GRB2: variants seen among roughly 807,000 people sequenced by gnomAD.
GRB2 encodes the protein growth factor receptor-bound protein 2.
Under a neutral mutation model 27.4 loss-of-function variants are expected in GRB2, and 2 were observed. That is an observed-to-expected ratio of 0.07 (90% confidence interval 0.03 to 0.23). The LOEUF is 0.23. Ranked by LOEUF, GRB2 falls within the 10% of genes least tolerant of loss-of-function variation. GRB2 has a pLI of 1.00. For synonymous variants in GRB2, 94 were observed against 99.6 expected (o/e 0.94, Z 0.33); for missense variants, 102 against 282.4 (o/e 0.36, Z 4.58).
At chr17:75,390,591 T>C (rs1228583803) in intron 2 of GRB2, among the ~76,000 whole-genome samples, 4 of 152,222 alleles carry the variant, frequency 2.6e-5, no homozygotes, top group Admixed American at 6.5e-5. Flanking sequence ...AAGGCAGACA[T>C]ATTGAACCAT....
chr17:75,376,994 G>C (rs1182269805), intron 2 of GRB2, among the ~76,000 whole-genome samples: 2 of 151,784 alleles, frequency 1.3e-5, no homozygotes, highest in African/African-American at 4.8e-5. Context: ...CTGGGTAAGA[G>C]AGCCAGACCC....
Position 75,389,484 on chromosome 17 carries a change from G to C in GRB2, c.78+4067C>G, listed in dbSNP as rs372935608. Among the ~76,000 whole-genome samples, 3 of 152,316 alleles carry C rather than the reference G, an allele frequency of 2.0e-5. No individual in the cohort carries two copies. In the East Asian group the frequency reaches 5.8e-4, roughly 29 times the overall value. The stretch of plus-strand genomic sequence containing the variant: ...CAAGAATGATAGTTGTGTGATCTTG[G>C]ATAGATCATTTAACCTATATGGGCC... On this transcript the variant is annotated intron_variant, in intron 2 of 5. Transcript: ENST00000316804.
intron 2 of GRB2, among the ~76,000 whole-genome samples, chr17:75,354,356 A>G (rs977752906): frequency 6.0e-5 from 9 of 148,902 alleles, no homozygotes; most frequent in Non-Finnish European, 1.3e-4. Flanking sequence ...TCCACTTCCC[A>G]TGTTCAAGCG....
intron 2 of GRB2, among the ~76,000 whole-genome samples, chr17:75,369,690 C>CAAAA (rs35811117): frequency 2.5e-5 from 3 of 120,634 alleles, no homozygotes; most frequent in South Asian, 5.6e-4. Flanking sequence ...CCGTCTCCAC[C>CAAAA]AAAAAAAAAA....
At chr17:75,321,378 T>C (rs887195716) in intron 5 of GRB2, among the ~76,000 whole-genome samples, 3 of 152,150 alleles carry the variant, frequency 2.0e-5, no homozygotes, top group East Asian at 1.9e-4. Context: ...GGTTTCACCA[T>C]GTTGGCCAGG....
chr17:75,323,459 T>C (rs569972429), intron 4 of GRB2, among the ~76,000 whole-genome samples: 147 of 152,294 alleles, frequency 9.7e-4, no homozygotes, highest in Non-Finnish European at 1.5e-3. Flanking sequence ...GAGCAGTGTT[T>C]CAAATCACAG....
intron 2 of GRB2, among the ~76,000 whole-genome samples, chr17:75,333,897 T>G (rs1449278122): frequency 6.6e-6 from 1 of 152,228 alleles, no homozygotes; most frequent in Non-Finnish European, 1.5e-5. Flanking sequence ...TACGAGGTAG[T>G]GACCCCACAG....
At chr17:75,393,797 G>C in intron 1 of GRB2, 32 bp from the exon 2 acceptor site, 1 of 598,038 alleles carries the variant, frequency 1.7e-6, no homozygotes, top group Non-Finnish European at 3.0e-6. Context: ...TAAGAGCAGT[G>C]GCCAGGATTG....
intron 2 of GRB2, among the ~76,000 whole-genome samples, chr17:75,347,383 C>G: frequency 6.6e-6 from 1 of 152,276 alleles, no homozygotes; most frequent in African/African-American, 2.4e-5. Context: ...TCTACCTACC[C>G]TTTCCGAATT....
At chr17:75,362,365 AGAGTT>A (rs2078788620) in intron 2 of GRB2, among the ~76,000 whole-genome samples, 2 of 152,218 alleles carry the variant, frequency 1.3e-5, no homozygotes, top group Non-Finnish European at 2.9e-5. Context: ...TTATGCATGA[AGAGTT>A]GAGTTTTGTT....
chr17:75,373,260 T>C (rs1446065731), intron 2 of GRB2: 1 of 152,150 alleles, frequency 6.6e-6, no homozygotes, highest in Non-Finnish European at 1.5e-5. Context: ...AAAGAAAATC[T>C]ACTTTCAGAG....
At position 75,320,330 on chromosome 17, in the gene GRB2, A is replaced by G; in HGVS notation, c.*38T>C. ...GGTTTAATTCTTTTGTATGTGTTTTACATTTTTCACTTTCTTTAAATAATT... is the reference window on the plus strand; with the variant it reads ...GGTTTAATTCTTTTGTATGTGTTTTGCATTTTTCACTTTCTTTAAATAATT... On this transcript the variant is annotated 3_prime_UTR_variant, in exon 6 of 6. Coordinates refer to ENST00000316804, the MANE Select transcript of GRB2 (RefSeq NM_002086.5). The surrounding 1 kb of genome is among the most constrained non-coding windows in gnomAD (Gnocchi z 4.3). The G allele has an allele frequency of 6.4e-7, 1 of 1,560,714 alleles. No individual in the cohort carries two copies. The highest frequency in any genetic ancestry group is 8.8e-7 in the Non-Finnish European group (1 of 1,131,964).
At chr17:75,359,046 C>T (rs1209548217) in intron 2 of GRB2, among the ~76,000 whole-genome samples, 2 of 143,348 alleles carry the variant, frequency 1.4e-5, no homozygotes, top group Non-Finnish European at 3.0e-5. Context: ...AATTCTGTCT[C>T]TATTTAAAAA....
intron 2 of GRB2, among the ~76,000 whole-genome samples, chr17:75,360,243 TAAATCTC>T (rs2078770921): frequency 1.4e-5 from 2 of 142,376 alleles, no homozygotes; most frequent in Non-Finnish European, 3.0e-5. Context: ...ATCAATAACT[TAAATCTC>T]AAAAATATGT....
chr17:75,371,984 A>G (rs2078859713), intron 2 of GRB2: 1 of 152,192 alleles, frequency 6.6e-6, no homozygotes, highest in South Asian at 2.1e-4. Context: ...ACTTTGCCGA[A>G]GATTATTTGC....
chr17:75,397,378 T>A (rs2053158), intron 1 of GRB2, among the ~76,000 whole-genome samples: 100,495 of 152,130 alleles, frequency 0.66, 38,195 homozygotes, highest in East Asian at 0.91. Flanking sequence ...ATAGTGTACT[T>A]AACACTGAAG....
chr17:75,405,666 A>G lies in GRB2; in HGVS notation c.-315T>C, dbSNP rs1182783599. The G allele has an allele frequency of 2.5e-5, 4 of 159,856 alleles. No individual in the cohort carries two copies. Among genetic ancestry groups the G allele is most frequent in the Non-Finnish European group, 5.5e-5 (4 of 72,560 alleles). The allele number at this position is 159,856 out of a possible 1,614,324, so 9.9% of individuals were successfully genotyped here. A position where few individuals can be genotyped will look rare whatever the true frequency, so the allele number is the denominator to read the frequency against. ...CCGCCGCCCGGTCGCCGAAGCAGCA[A>G]TACCTCCTGGCTTCCGCTCCCCGTC... On this transcript the variant is annotated 5_prime_UTR_variant, in exon 1 of 6. Transcript: ENST00000316804.
Position 75,367,566 on chromosome 17 carries a change from T to G in GRB2, c.78+25985A>C, listed in dbSNP as rs549590362. 1.3e-3 allele frequency among the ~76,000 whole-genome samples: 193 copies of G among 152,346 alleles called. 1 individual carries two copies. The highest frequency in any genetic ancestry group is 4.5e-3 in the African/African-American group (185 of 41,572). On this transcript the variant is annotated intron_variant, in intron 2 of 5. Coordinates refer to ENST00000316804, the MANE Select transcript of GRB2 (RefSeq NM_002086.5). Reference sequence around the variant, plus strand: ...GACTCATGTTTCTCAAGGTTAAGGCTGCTTCTTGCTGGGAAATATGCATAA... The same window carrying G: ...GACTCATGTTTCTCAAGGTTAAGGCGGCTTCTTGCTGGGAAATATGCATAA...
intron 2 of GRB2, chr17:75,338,832 C>A: frequency 2.6e-6 from 2 of 762,318 alleles, no homozygotes; most frequent in South Asian, 2.7e-5. Flanking sequence ...CGCAAATGGT[C>A]AACTTTCCTA....
Sources: allele counts gnomAD v4.1 joint callset (sites outside exome capture counted in the v4.1 genomes callset), GRCh38; gene constraint gnomAD v4.1.1; non-coding constraint Gnocchi (gnomAD v3.1); transcripts MANE v1.5; gene names NCBI Gene and HGNC (gene_info 2026-07-23, HGNC 2026-07-21).